The following CEP63 variants were observed in gnomAD, a reference collection of about 807,000 sequenced individuals.
CEP63 encodes centrosomal protein 63.
In CEP63, 84 loss-of-function variants were observed where a neutral mutation model predicts 89.1. That is an observed-to-expected ratio of 0.94 (90% CI 0.79 to 1.13). The LOEUF (loss-of-function observed/expected upper bound fraction) is 1.13, where lower values mean the gene tolerates loss of function less well. Among genes scored for constraint, CEP63 ranks in the 50% most tolerant of loss-of-function variants. The pLI is 0.00. For synonymous variants in CEP63, 267 were observed against 272.5 expected (o/e 0.98, Z 0.20); for missense variants, 838 against 813.3 (o/e 1.03, Z -0.37).
chr3:134,559,643 C>T (rs1258896326), intron 14 of CEP63, among the ~76,000 whole-genome samples: 2 of 152,130 alleles, frequency 1.3e-5, no homozygotes, highest in East Asian at 1.9e-4. Context: ...ATATGTTATA[C>T]GTATTCATTT....
At chr3:134,601,747 T>C in the CEP63 span, among the ~76,000 whole-genome samples, 1 of 152,218 alleles carries the variant, frequency 6.6e-6, no homozygotes, top group Non-Finnish European at 1.5e-5. Context: ...CGCCGGCCTG[T>C]TGGATGATGG....
the CEP63 span, among the ~76,000 whole-genome samples, chr3:134,689,815 A>G: frequency 3.9e-5 from 6 of 152,194 alleles, no homozygotes; most frequent in African/African-American, 1.4e-4. Flanking sequence ...TGGAGAAACC[A>G]GTAAGATGTT....
chr3:134,597,917 G>C, the CEP63 span: 5 of 152,362 alleles, frequency 3.3e-5, no homozygotes, highest in Non-Finnish European at 7.3e-5. Context: ...AGGAGGACAG[G>C]AGGGAAATAA....
the CEP63 span, among the ~76,000 whole-genome samples, chr3:134,726,506 A>C: frequency 6.6e-6 from 1 of 151,766 alleles, no homozygotes. Context: ...ACACACACAC[A>C]GAGCAAGAAT....
At chr3:134,593,969 G>T in the CEP63 span, among the ~76,000 whole-genome samples, 3 of 152,172 alleles carry the variant, frequency 2.0e-5, no homozygotes, top group Non-Finnish European at 2.9e-5. Context: ...CTAGGGTGGG[G>T]CTATCCCAAA....
chr3:134,578,322 GT>G (rs71139542), downstream of CEP63, among the ~76,000 whole-genome samples: 18 of 62,112 alleles, frequency 2.9e-4, no homozygotes, highest in African/African-American at 1.1e-3. Flanking sequence ...TCTGACTTGT[GT>G]TTTTTTTTTT....
At chr3:134,724,905 T>C in the CEP63 span, among the ~76,000 whole-genome samples, 2 of 152,200 alleles carry the variant, frequency 1.3e-5, no homozygotes, top group African/African-American at 2.4e-5. Context: ...ATGCACATGA[T>C]GTTACCAATA....
chr3:134,703,032 A>T, the CEP63 span, among the ~76,000 whole-genome samples: 6 of 152,212 alleles, frequency 3.9e-5, no homozygotes, highest in Non-Finnish European at 8.8e-5. Flanking sequence ...GCGGTCACTC[A>T]TGCCTGTAAT....
chr3:134,508,250 A>G (rs572127482), intron 3 of CEP63, among the ~76,000 whole-genome samples: 13 of 152,362 alleles, frequency 8.5e-5, no homozygotes, highest in African/African-American at 3.1e-4. Context: ...CTTGGGTCAA[A>G]GTAGTGCGTG....
intron 2 of CEP63, among the ~76,000 whole-genome samples, chr3:134,500,196 T>C (rs1479424109): frequency 1.3e-5 from 2 of 152,218 alleles, no homozygotes; most frequent in Non-Finnish European, 2.9e-5. Context: ...ACATGCAGTA[T>C]TTGGTTCTCT....
the CEP63 span, among the ~76,000 whole-genome samples, chr3:134,689,495 AG>A: frequency 1.0e-3 from 150 of 150,516 alleles, 1 homozygote; most frequent in African/African-American, 3.5e-3. Context: ...TCTGTCACCC[AG>A]GCTGGAGTAC....
chr3:134,531,893 G>A lies in CEP63; in HGVS notation c.271G>A (p.Glu91Lys), dbSNP rs764960684. 2 of 1,613,650 alleles carry A rather than the reference G, an allele frequency of 1.2e-6. No individual in the cohort carries two copies. The highest frequency in any genetic ancestry group is 2.2e-5 in the South Asian group (2 of 91,066). Residue 91 changes from glutamate (E) to lysine (K), a missense_variant, in exon 4 of 15, where the codon GAG (glutamate) becomes AAG (lysine). Physicochemically the swap from Glu to Lys is moderately conservative, Grantham distance 56. Transcript: ENST00000675561. ...AGAAGAACATGAAAAAATCAAGCAA[G>A]AGATGACCATGGAATATAAGCAGGA... Reference protein sequence around the residue: ...QVEEHEKIKQEMTMEYKQELK... With the variant: ...QVEEHEKIKQKMTMEYKQELK...
intron 10 of CEP63, among the ~76,000 whole-genome samples, chr3:134,584,864 TTG>T (rs1181104143): frequency 2.0e-5 from 3 of 152,142 alleles, no homozygotes; most frequent in African/African-American, 7.2e-5. Flanking sequence ...GAGCCTGTTA[TTG>T]GTCTATTCAG....
chr3:134,606,887 G>A, the CEP63 span: 1 of 981,038 alleles, frequency 1.0e-6, no homozygotes, highest in Non-Finnish European at 1.2e-6. Context: ...CCTTATCTAG[G>A]TGCCCTCTTC....
At chr3:134,532,083 T>C (rs1949962319) in intron 4 of CEP63, 143 bp downstream of exon 4, 1 of 619,420 alleles carries the variant, frequency 1.6e-6, no homozygotes, top group South Asian at 2.0e-5. Flanking sequence ...AATCCATTTC[T>C]CTGTTCTTTA....
intron 9 of CEP63, 66 bp from the exon 10 acceptor site, chr3:134,548,996 A>T: frequency 1.1e-6 from 1 of 912,182 alleles, no homozygotes; most frequent in Non-Finnish European, 1.8e-6. Flanking sequence ...AATGTAAATT[A>T]GATAGTCCAA....
intron 11 of CEP63, among the ~76,000 whole-genome samples, chr3:134,570,290 C>A (rs1957961441): frequency 6.6e-6 from 1 of 152,204 alleles, no homozygotes; most frequent in Non-Finnish European, 1.5e-5. Context: ...CATTGTCAGG[C>A]TGCAGATTTT....
chr3:134,760,160 G>A, the CEP63 span, among the ~76,000 whole-genome samples: 4 of 149,496 alleles, frequency 2.7e-5, no homozygotes, highest in East Asian at 5.9e-4. Flanking sequence ...CCGGGTTCAC[G>A]CCATTCTCCT....
At chr3:134,596,617 T>C in the CEP63 span, among the ~76,000 whole-genome samples, 1 of 152,218 alleles carries the variant, frequency 6.6e-6, no homozygotes, top group African/African-American at 2.4e-5. Flanking sequence ...GGTTATGGAC[T>C]GCTAGGCAGT....
Sources: allele counts gnomAD v4.1 joint callset (sites outside exome capture counted in the v4.1 genomes callset), GRCh38; gene constraint gnomAD v4.1.1; transcripts MANE v1.5; gene names NCBI Gene and HGNC (gene_info 2026-07-23, HGNC 2026-07-21).